The following ATF7IP2 variants were observed in gnomAD, a reference collection of about 807,000 sequenced individuals.
ATF7IP2 encodes the protein activating transcription factor 7 interacting protein 2, also known as activating transcription factor 7-interacting protein 2.
In ATF7IP2, 42 loss-of-function variants were observed where a neutral mutation model predicts 64.2. The ratio of observed to expected loss-of-function variants is 0.65; its 90% CI spans 0.51 to 0.85. ATF7IP2 has a LOEUF of 0.85. ATF7IP2 is among the 40% of genes least tolerant of loss of function. The pLI is 0.00. For synonymous variants in ATF7IP2, 308 were observed against 272.8 expected (o/e 1.13, Z -1.27); for missense variants, 933 against 784.2 (o/e 1.19, Z -2.27).
At chr16:10,462,813 C>G (rs1367775438) in intron 9 of ATF7IP2, among the ~76,000 whole-genome samples, 3 of 152,072 alleles carry the variant, frequency 2.0e-5, no homozygotes, top group African/African-American at 7.2e-5. Flanking sequence ...TGTCTTCTGT[C>G]TTACTGGTTT....
chr16:10,453,328 T>C (rs1396869511), intron 8 of ATF7IP2, among the ~76,000 whole-genome samples: 1 of 152,184 alleles, frequency 6.6e-6, no homozygotes, highest in East Asian at 1.9e-4. Context: ...ATGGCTTCCC[T>C]TGGGTAGGGA....
chr16:10,475,403 CCA>C (rs2049965365), intron 12 of ATF7IP2, among the ~76,000 whole-genome samples: 1 of 152,044 alleles, frequency 6.6e-6, no homozygotes, highest in Admixed American at 6.6e-5. Context: ...TTTAAAATAT[CCA>C]AACTGGCTGG....
At chr16:10,477,428 C>T (rs546547097) in intron 12 of ATF7IP2, among the ~76,000 whole-genome samples, 22 of 151,998 alleles carry the variant, frequency 1.4e-4, no homozygotes, top group Admixed American at 3.3e-4. Context: ...ATTCAACAAC[C>T]CTTCATGCTA....
At chr16:10,440,535 A>G (rs1378775788) in intron 8 of ATF7IP2, 73 bp downstream of exon 8, 3 of 867,382 alleles carry the variant, frequency 3.5e-6, no homozygotes, top group Admixed American at 3.2e-5. Context: ...AGAAATGAAT[A>G]TATTTCCAGG....
Position 10,430,753 on chromosome 16 carries a change from A to T in ATF7IP2, c.133A>T (p.Asn45Tyr). Residue 45 changes from asparagine to tyrosine, a missense_variant, in exon 5 of 14, where the codon AAT (asparagine) becomes TAT (tyrosine). Physicochemically the swap from Asn to Tyr is moderately radical, Grantham distance 143 (BLOSUM62 -2). Transcript: ENST00000562102. ...AGCGCTGAAAACAGCAATTGGGAGT[A>T]ATGTTCCAAGCGGTAATCAGAGTTT... ...VEALKTAIGS[N>Y]VPSGNQSFSP... The T allele has an allele frequency of 6.2e-7, 1 of 1,613,746 alleles. No homozygotes were observed. The highest frequency in any genetic ancestry group is 8.5e-7 in the Non-Finnish European group (1 of 1,179,900).
At chr16:10,433,788 A>G (rs1476457472) in intron 6 of ATF7IP2, 139 bp downstream of exon 6, 5 of 877,380 alleles carry the variant, frequency 5.7e-6, no homozygotes, top group East Asian at 5.4e-5. Flanking sequence ...CCAAATTATC[A>G]GACAGACTGG....
chr16:10,443,135 G>A (rs1026800106), intron 8 of ATF7IP2, among the ~76,000 whole-genome samples: 11 of 152,132 alleles, frequency 7.2e-5, no homozygotes, highest in Admixed American at 1.3e-4. Flanking sequence ...TCCAATAAGG[G>A]TCCACCACAG....
chr16:10,390,079 G>A (rs1268589306), intron 1 of ATF7IP2, among the ~76,000 whole-genome samples: 1 of 152,098 alleles, frequency 6.6e-6, no homozygotes, highest in Non-Finnish European at 1.5e-5. Context: ...AAGAGTAACA[G>A]TAAAAATTCA....
chr16:10,435,069 G>C (rs998443239), intron 6 of ATF7IP2, among the ~76,000 whole-genome samples: 1 of 152,130 alleles, frequency 6.6e-6, no homozygotes, highest in African/African-American at 2.4e-5. Context: ...CGCCCAGCCA[G>C]AAGTAACTTC....
chr16:10,431,905 C>G (rs1375554111), intron 5 of ATF7IP2, among the ~76,000 whole-genome samples: 3 of 148,180 alleles, frequency 2.0e-5, no homozygotes, highest in African/African-American at 7.5e-5. Context: ...CTCACTGCAA[C>G]CCCCACCTCC....
chr16:10,407,628 CAAATA>C (rs1379789274), intron 1 of ATF7IP2, among the ~76,000 whole-genome samples: 1 of 152,042 alleles, frequency 6.6e-6, no homozygotes, highest in African/African-American at 2.4e-5. Context: ...ATAATATTGA[CAAATA>C]AGATTATTTT....
chr16:10,434,551 A>G (rs1367719955), intron 6 of ATF7IP2, among the ~76,000 whole-genome samples: 1 of 151,934 alleles, frequency 6.6e-6, no homozygotes. Flanking sequence ...AATAAAGGGA[A>G]AGAGTTACGC....
intron 1 of ATF7IP2, among the ~76,000 whole-genome samples, chr16:10,404,234 T>C (rs1395253558): frequency 6.6e-6 from 1 of 152,132 alleles, no homozygotes; most frequent in Non-Finnish European, 1.5e-5. Context: ...AGATGAATAG[T>C]GTACTTGTCA....
chr16:10,425,854 T>C (rs1311523584), intron 3 of ATF7IP2, among the ~76,000 whole-genome samples: 2 of 151,592 alleles, frequency 1.3e-5, no homozygotes, highest in Non-Finnish European at 2.9e-5. Context: ...GATCATGCCA[T>C]TGCACCCCAG....
At chr16:10,422,279 A>G (rs1331160485) in intron 3 of ATF7IP2, among the ~76,000 whole-genome samples, 1 of 152,194 alleles carries the variant, frequency 6.6e-6, no homozygotes, top group African/African-American at 2.4e-5. Context: ...ATCAAAAATG[A>G]TATCCTAAAC....
intron 1 of ATF7IP2, among the ~76,000 whole-genome samples, chr16:10,404,818 C>T (rs35386614): frequency 0.18 from 27,182 of 152,048 alleles, 2,575 homozygotes; most frequent in South Asian, 0.24. Flanking sequence ...GCTGGTATTA[C>T]AGGCATGAAC....
In ATF7IP2 at chr16:10,430,906, A is replaced by G; in HGVS notation, c.286A>G (p.Ile96Val). ...EKSKVFSQNCIKPVEEIVHSE... is the reference protein window; with the variant it reads ...EKSKVFSQNCVKPVEEIVHSE... ...AAGTAAAGTATTCTCTCAGAATTGCATAAAACCAGTAGAAGAAATTGTTCA... is the reference window on the plus strand; with the variant it reads ...AAGTAAAGTATTCTCTCAGAATTGCGTAAAACCAGTAGAAGAAATTGTTCA... The change falls in exon 5 of 14, where the codon ATA (isoleucine) becomes GTA (valine). Residue 96 changes from isoleucine to valine, a missense_variant. Physicochemically the swap from Ile to Val is conservative, Grantham distance 29. Coordinates refer to ENST00000562102, the MANE Select transcript of ATF7IP2 (RefSeq NM_001393719.1). 1 of 1,614,076 alleles carries G rather than the reference A, an allele frequency of 6.2e-7. No homozygotes were observed. The highest frequency in any genetic ancestry group is 8.5e-7 in the Non-Finnish European group (1 of 1,180,044).
intron 2 of ATF7IP2, among the ~76,000 whole-genome samples, 198 bp from the exon 3 acceptor site, chr16:10,419,383 A>G (rs558201569): frequency 1.5e-4 from 23 of 152,296 alleles, no homozygotes; most frequent in African/African-American, 4.8e-4. Context: ...TCCAAGAGCT[A>G]TCATTAGTGT....
Position 10,433,617 on chromosome 16 carries a change from A to T in ATF7IP2, c.928A>T (p.Ser310Cys). The T allele has an allele frequency of 6.2e-7, 1 of 1,613,966 alleles. No individual in the cohort carries two copies. The highest frequency in any genetic ancestry group is 8.5e-7 in the Non-Finnish European group (1 of 1,179,886). ...SEQINENICV[S>C]LERQTAFLEQ... ...GCAAATTAATGAAAATATTTGTGTAAGTTTGGAAAGGCAAACAGCATTCCT... is the reference window on the plus strand; with the variant it reads ...GCAAATTAATGAAAATATTTGTGTATGTTTGGAAAGGCAAACAGCATTCCT... Residue 310 changes from serine (S) to cysteine (C), a missense_variant, in exon 6 of 14, where the codon AGT becomes TGT. By Grantham distance (112) the Ser-to-Cys change is moderately radical (BLOSUM62 -1). Transcript: ENST00000562102.
Sources: allele counts gnomAD v4.1 joint callset (sites outside exome capture counted in the v4.1 genomes callset), GRCh38; gene constraint gnomAD v4.1.1; transcripts MANE v1.5; gene names NCBI Gene and HGNC (gene_info 2026-07-23, HGNC 2026-07-21).